Variants in WDR64 observed in about 807,000 individuals in gnomAD.
The protein encoded by WDR64 is WD repeat-containing protein 64.
A neutral mutation model predicts 139.3 loss-of-function variants in WDR64; 112 were observed. The observed-to-expected ratio is 0.80, with a 90% CI of 0.69 to 0.94. The LOEUF (loss-of-function observed/expected upper bound fraction) is 0.94, where lower values mean the gene tolerates loss of function less well. WDR64 is among the 40% of genes least tolerant of loss of function. The pLI is 0.00. For synonymous variants in WDR64, 444 were observed against 437.7 expected, an observed-to-expected ratio of 1.01 and a Z score of -0.18; for missense variants, 1,206 against 1,293.1, an observed-to-expected ratio of 0.93 and a Z score of 1.03.
rs41310585 is a variant in WDR64, at chr1:241,744,404, C to T, written c.1482C>T (p.Leu494=). Residue 494 remains leucine, a synonymous_variant, in exon 13 of 28, where the codon CTC becomes CTT. Coordinates refer to ENST00000437684, the MANE Select transcript of WDR64 (RefSeq NM_001367482.1). The part of the protein sequence containing the change: ...CSESIIRVWE[L]ETGLQVYQIL... Reference sequence around the variant, plus strand: ...GTTCTTTCCCATAGGTATGGGAACTCGAGACTGGGCTCCAAGTATACCAGA... The same window carrying T: ...GTTCTTTCCCATAGGTATGGGAACTTGAGACTGGGCTCCAAGTATACCAGA... 0.014 allele frequency: 22,651 copies of T among 1,613,684 alleles called. 168 individuals are homozygous for T. The highest frequency in any genetic ancestry group is 0.016 in the Non-Finnish European group (18,687 of 1,179,648).
rs1210041179 is a variant in WDR64, at chr1:241,771,697, G to A, written c.2290G>A (p.Gly764Ser). ...AAGCATACATGACAGTGAGGTTAAA[G>A]GTCAGTATGAAATCACCTCTCTTCT... ...KQSIHDSEVK[G>S]EQTDVMVGKQ... Residue 764 changes from glycine to serine, a missense_variant and splice_region_variant, in exon 19 of 28, where the codon GGT becomes AGT. By Grantham distance (56) the Gly-to-Ser change is moderately conservative. Transcript: ENST00000437684. The A allele has an allele frequency of 6.8e-7, 1 of 1,480,260 alleles. No homozygotes were observed. The highest frequency in any genetic ancestry group is 2.7e-5 in the East Asian group (1 of 37,688). The allele number at this position is 1,480,260 out of a possible 1,614,324, so 91.7% of individuals were successfully genotyped here. A position where few individuals can be genotyped will look rare whatever the true frequency, so the allele number is the denominator to read the frequency against.
At chr1:241,758,781 T>C (rs1415676329) in intron 15 of WDR64, among the ~76,000 whole-genome samples, 2 of 152,210 alleles carry the variant, frequency 1.3e-5, no homozygotes, top group African/African-American at 2.4e-5. Flanking sequence ...GCTCATCTTG[T>C]ACATTTCTTT....
In WDR64 at chr1:241,683,526, C is replaced by CTG. The variant is rs146648760; in HGVS notation, c.677_678dup (p.Val227TrpfsTer22). 36 of 1,528,650 alleles carry CTG rather than the reference C, an allele frequency of 2.4e-5. No individual in the cohort carries two copies. Among genetic ancestry groups the CTG allele is most frequent in the East Asian group, 2.5e-5 (1 of 40,184 alleles). The allele number at this position is 1,528,650 out of a possible 1,614,324, so 94.7% of individuals were successfully genotyped here. The stretch of plus-strand genomic sequence containing the variant: ...CATAAAACCAATGGATCACTGCCTC[C>CTG]TGTGTGTGTGTGTGGTGCCTTTGCC... On this transcript the variant is annotated frameshift_variant, in exon 7 of 28. Coordinates refer to ENST00000437684, the MANE Select transcript of WDR64 (RefSeq NM_001367482.1). LOFTEE classifies it high-confidence loss of function.
chr1:241,728,314 T>C (rs1030218510), intron 10 of WDR64, among the ~76,000 whole-genome samples: 14 of 150,002 alleles, frequency 9.3e-5, no homozygotes, highest in South Asian at 2.1e-4. Flanking sequence ...GCCTGGGCAA[T>C]AGAGCGAGAC....
At chr1:241,785,099 C>G (rs1403975203) in intron 23 of WDR64, among the ~76,000 whole-genome samples, 1 of 151,964 alleles carries the variant, frequency 6.6e-6, no homozygotes, top group African/African-American at 2.4e-5. Context: ...TACCTATGAG[C>G]AGAAGTGTTC....
intron 16 of WDR64, 34 bp from the exon 17 acceptor site, chr1:241,769,370 A>T (rs1280082991): frequency 2.0e-6 from 3 of 1,524,984 alleles, no homozygotes; most frequent in African/African-American, 1.4e-5. Context: ...TAATTTGTGA[A>T]TTTTTTCTCA....
chr1:241,765,762 CAT>C (rs996130971), intron 15 of WDR64, among the ~76,000 whole-genome samples: 1 of 152,126 alleles, frequency 6.6e-6, no homozygotes, highest in Non-Finnish European at 1.5e-5. Context: ...AAATATCTAA[CAT>C]AGTAGATATC....
chr1:241,735,017 C>A (rs1669242509), intron 10 of WDR64, among the ~76,000 whole-genome samples: 1 of 152,154 alleles, frequency 6.6e-6, no homozygotes, highest in Non-Finnish European at 1.5e-5. Context: ...GAAGGGAGTG[C>A]AACGAAAGTT....
At chr1:241,738,541 T>G in intron 11 of WDR64, 52 bp downstream of exon 11, 1 of 1,545,342 alleles carries the variant, frequency 6.5e-7, no homozygotes, top group Non-Finnish European at 8.7e-7. Context: ...ATTTTTAACC[T>G]TTTTTTAAAC....
chr1:241,748,938 TAAAA>T (rs200155046), intron 13 of WDR64, among the ~76,000 whole-genome samples: 4 of 133,882 alleles, frequency 3.0e-5, no homozygotes, highest in African/African-American at 1.0e-4. Flanking sequence ...ACTCTTGTCT[TAAAA>T]AAAAAAAAAA....
intron 7 of WDR64, among the ~76,000 whole-genome samples, chr1:241,686,574 CAAAT>C (rs1269911618): frequency 3.3e-5 from 5 of 152,238 alleles, no homozygotes; most frequent in African/African-American, 1.2e-4. Flanking sequence ...AATGAGGAGA[CAAAT>C]AAGCCATTAA....
At chr1:241,692,379 G>A (rs1313102437) in intron 8 of WDR64, among the ~76,000 whole-genome samples, 1 of 152,192 alleles carries the variant, frequency 6.6e-6, no homozygotes. Context: ...TCATAGGACT[G>A]ACAAGTCAAG....
chr1:241,684,495 A>G (rs953176794), intron 7 of WDR64, among the ~76,000 whole-genome samples: 2 of 152,244 alleles, frequency 1.3e-5, no homozygotes, highest in Admixed American at 6.5e-5. Flanking sequence ...TTTATATTAA[A>G]TGGTCTTCCT....
At chr1:241,711,162 G>A (rs1391666447) in intron 8 of WDR64, among the ~76,000 whole-genome samples, 3 of 151,934 alleles carry the variant, frequency 2.0e-5, no homozygotes, top group African/African-American at 7.3e-5. Context: ...GCTTGAACCT[G>A]GGAGACAGAG....
intron 10 of WDR64, among the ~76,000 whole-genome samples, chr1:241,734,302 G>C (rs1357534340): frequency 6.6e-6 from 1 of 151,934 alleles, no homozygotes; most frequent in Non-Finnish European, 1.5e-5. Flanking sequence ...GCTGTGCCCC[G>C]ACCACCTTGG....
At chr1:241,772,965 G>T in intron 20 of WDR64, 34 bp downstream of exon 20, 1 of 1,527,600 alleles carries the variant, frequency 6.5e-7, no homozygotes, top group Non-Finnish European at 8.8e-7. Flanking sequence ...GAATAGGAAA[G>T]AATGGGAAAG....
In WDR64 at chr1:241,744,428, G is replaced by C. The variant is rs773119823; in HGVS notation, c.1506G>C (p.Gln502His). The C allele has an allele frequency of 1.2e-6, 2 of 1,614,128 alleles. No individual in the cohort carries two copies. The highest frequency in any genetic ancestry group is 2.2e-5 in the East Asian group (1 of 44,884). The change falls in exon 13 of 28, where the codon CAG (glutamine) becomes CAC (histidine). Residue 502 changes from glutamine (Q) to histidine (H), a missense_variant. Transcript: ENST00000437684. ...WELETGLQVY[Q>H]ILEPHGFNTE... ...TCGAGACTGGGCTCCAAGTATACCA[G>C]ATTTTAGAACCTCATGGTTTCAATA...
intron 25 of WDR64, among the ~76,000 whole-genome samples, chr1:241,794,504 GTTTTTTTTT>G (rs11419039): frequency 3.7e-5 from 3 of 81,458 alleles, no homozygotes; most frequent in Non-Finnish European, 7.2e-5. Flanking sequence ...AAGCTTTACT[GTTTTTTTTT>G]TTTTTTTTTT....
At chr1:241,778,819 T>A (rs1658750325) in intron 21 of WDR64, among the ~76,000 whole-genome samples, 1 of 152,186 alleles carries the variant, frequency 6.6e-6, no homozygotes, top group South Asian at 2.1e-4. Flanking sequence ...ATCTCCTGTA[T>A]AATTACTATC....
Sources: gnomAD v4.1 joint callset for allele counts (sites outside exome capture counted in the v4.1 genomes callset) on GRCh38, gnomAD v4.1.1 for gene constraint, MANE v1.5 for transcripts, NCBI Gene and HGNC (gene_info 2026-07-23, HGNC 2026-07-21) for gene names.